Variants in BANK1 observed in about 807,000 individuals in gnomAD.
BANK1 encodes B cell scaffold protein with ankyrin repeats 1.
In BANK1, 95 loss-of-function variants were observed where a neutral mutation model predicts 94.5. The ratio of observed to expected loss-of-function variants is 1.00; its 90% CI spans 0.85 to 1.19. The LOEUF is 1.19. Ranked by LOEUF, BANK1 falls within the 50% of genes most tolerant of loss-of-function variation. The pLI, the probability that BANK1 is intolerant of heterozygous loss-of-function variation, is 0.00. For synonymous variants in BANK1, 334 were observed against 308.4 expected, an observed-to-expected ratio of 1.08 and a Z score of -0.87; for missense variants, 987 against 932.2, an observed-to-expected ratio of 1.06 and a Z score of -0.77.
chr4:101,897,134 G>A (rs563541566), intron 6 of BANK1, among the ~76,000 whole-genome samples: 29 of 151,940 alleles, frequency 1.9e-4, no homozygotes, highest in South Asian at 6.2e-4. Flanking sequence ...TCCTGTAATC[G>A]TTTGTCTTGA....
At chr4:101,955,455 ATAGT>A (rs887891048) in intron 7 of BANK1, among the ~76,000 whole-genome samples, 1 of 152,120 alleles carries the variant, frequency 6.6e-6, no homozygotes, top group African/African-American at 2.4e-5. Flanking sequence ...ATACTGCCAC[ATAGT>A]TAGAGCCAGT....
intron 6 of BANK1, among the ~76,000 whole-genome samples, chr4:101,901,739 T>C (rs1420676358): frequency 6.8e-6 from 1 of 146,324 alleles, no homozygotes; most frequent in Non-Finnish European, 1.5e-5. Context: ...GGCTGCATTA[T>C]CTCCAGACGC....
At chr4:102,022,655 G>A (rs1016277115) in intron 8 of BANK1, among the ~76,000 whole-genome samples, 5 of 152,272 alleles carry the variant, frequency 3.3e-5, no homozygotes, top group East Asian at 1.9e-4. Flanking sequence ...TGTATAGGAC[G>A]CCTTCAATAG....
chr4:102,006,576 T>C (rs1021063915), intron 7 of BANK1, among the ~76,000 whole-genome samples: 1 of 151,916 alleles, frequency 6.6e-6, no homozygotes, highest in Non-Finnish European at 1.5e-5. Flanking sequence ...ACTTAAGTGA[T>C]TGGAAACCTT....
At chr4:101,857,651 C>A (rs1011193494) in intron 3 of BANK1, among the ~76,000 whole-genome samples, 3 of 152,150 alleles carry the variant, frequency 2.0e-5, no homozygotes, top group African/African-American at 7.2e-5. Context: ...TTTCCTAGAC[C>A]TTGAAAATTA....
intron 7 of BANK1, among the ~76,000 whole-genome samples, chr4:101,944,240 C>G (rs923098164): frequency 6.6e-6 from 1 of 151,778 alleles, no homozygotes; most frequent in Non-Finnish European, 1.5e-5. Context: ...GCAAAGTAAC[C>G]AGGAAACTCA....
chr4:101,965,115 A>G (rs1260454210), intron 7 of BANK1, among the ~76,000 whole-genome samples: 3 of 151,872 alleles, frequency 2.0e-5, no homozygotes, highest in Non-Finnish European at 4.4e-5. Context: ...TTATGGTTGC[A>G]TAGTATTCCA....
chr4:101,935,119 C>G (rs543368351), intron 7 of BANK1, among the ~76,000 whole-genome samples: 1 of 151,582 alleles, frequency 6.6e-6, no homozygotes, highest in South Asian at 2.1e-4. Flanking sequence ...CAACCCATCC[C>G]CAGAATATAA....
chr4:101,886,914 AT>A (rs888729580), intron 5 of BANK1, among the ~76,000 whole-genome samples: 9 of 151,462 alleles, frequency 5.9e-5, no homozygotes, highest in South Asian at 2.1e-4. Flanking sequence ...GTTCCCCAGT[AT>A]TTTTTTTTCC....
At chr4:101,978,555 A>G (rs1013436085) in intron 7 of BANK1, among the ~76,000 whole-genome samples, 1 of 152,112 alleles carries the variant, frequency 6.6e-6, no homozygotes, top group African/African-American at 2.4e-5. Flanking sequence ...ACGTACATTT[A>G]GCTCTTGATC....
At chr4:101,852,479 TATATATATATATATATATATATATACAC>T in intron 2 of BANK1, among the ~76,000 whole-genome samples, 1 of 104,730 alleles carries the variant, frequency 9.5e-6, no homozygotes, top group South Asian at 2.9e-4. Flanking sequence ...GCTATATATA[TATATATATATATATATATATATATACAC>T]ACACACATAT....
intron 7 of BANK1, among the ~76,000 whole-genome samples, chr4:101,977,459 G>A (rs2631241): frequency 0.93 from 142,165 of 152,260 alleles, 66,614 homozygotes; most frequent in African/African-American, 0.99. Context: ...CACTGTGGTC[G>A]TTAAATGTGA....
intron 9 of BANK1, among the ~76,000 whole-genome samples, chr4:102,028,940 G>A (rs1355918078): frequency 1.3e-5 from 2 of 151,024 alleles, no homozygotes. Flanking sequence ...TTTGAGGCAC[G>A]ATCTTGCTCT....
intron 3 of BANK1, among the ~76,000 whole-genome samples, chr4:101,856,967 AT>A (rs1426731504): frequency 6.6e-6 from 1 of 152,156 alleles, no homozygotes; most frequent in Non-Finnish European, 1.5e-5. Context: ...CAGAACCTAG[AT>A]TTTAGTATAG....
intron 6 of BANK1, among the ~76,000 whole-genome samples, chr4:101,898,601 C>T (rs909495207): frequency 1.2e-4 from 18 of 151,840 alleles, no homozygotes; most frequent in East Asian, 5.8e-4. Flanking sequence ...ATTGACCTAC[C>T]GTAAGGATTT....
intron 1 of BANK1, among the ~76,000 whole-genome samples, chr4:101,809,274 G>A (rs1198774251): frequency 2.0e-5 from 3 of 152,094 alleles, no homozygotes; most frequent in African/African-American, 2.4e-5. Flanking sequence ...TTTGTTCTCA[G>A]TTATAAATGG....
chr4:101,915,126 G>T (rs1196245511), intron 6 of BANK1, among the ~76,000 whole-genome samples: 1 of 152,030 alleles, frequency 6.6e-6, no homozygotes, highest in African/African-American at 2.4e-5. Context: ...AAATAATGAG[G>T]ACCAACAGTA....
chr4:101,820,360 T>A (rs1333971846), intron 1 of BANK1, among the ~76,000 whole-genome samples: 1 of 152,220 alleles, frequency 6.6e-6, no homozygotes, highest in Non-Finnish European at 1.5e-5. Context: ...GATCTAACTC[T>A]AGTTACTGAT....
intron 1 of BANK1, 47 bp from the exon 2 acceptor site, chr4:101,829,761 C>A: frequency 8.0e-7 from 1 of 1,254,354 alleles, no homozygotes; most frequent in Non-Finnish European, 1.1e-6. Context: ...ATAATTTAAC[C>A]TGCTGATAGC....
Sources: gnomAD v4.1 joint callset for allele counts (sites outside exome capture counted in the v4.1 genomes callset) on GRCh38, gnomAD v4.1.1 for gene constraint, MANE v1.5 for transcripts, NCBI Gene and HGNC (gene_info 2026-07-23, HGNC 2026-07-21) for gene names.